The following CREB5 variants were observed in gnomAD, a reference collection of about 807,000 sequenced individuals.
The protein encoded by CREB5 is cyclic AMP-responsive element-binding protein 5.
A neutral mutation model predicts 57.1 loss-of-function variants in CREB5; 19 were observed. The ratio of observed to expected loss-of-function variants is 0.33; its 90% CI spans 0.23 to 0.49. The LOEUF (loss-of-function observed/expected upper bound fraction) is 0.49. Among genes scored for constraint, CREB5 ranks in the 20% least tolerant of loss-of-function variants. The pLI is 0.99. For synonymous variants in CREB5, 238 were observed against 238.3 expected (o/e 1.00, Z 0.01); for missense variants, 579 against 671.6 (o/e 0.86, Z 1.52).
At chr7:28,447,206 C>A (rs1364439136) in intron 1 of CREB5, among the ~76,000 whole-genome samples, 2 of 152,200 alleles carry the variant, frequency 1.3e-5, no homozygotes, top group Non-Finnish European at 2.9e-5. Flanking sequence ...CAGTGCCTGG[C>A]GCACATCTGT....
intron 1 of CREB5, among the ~76,000 whole-genome samples, chr7:28,444,014 A>T (rs1026332647): frequency 4.6e-5 from 7 of 152,198 alleles, no homozygotes; most frequent in Admixed American, 1.3e-4. Flanking sequence ...GATTAAACAT[A>T]AAAAATTTTG....
chr7:28,355,205 A>G (rs906771695), intron 1 of CREB5, among the ~76,000 whole-genome samples: 1 of 152,232 alleles, frequency 6.6e-6, no homozygotes, highest in Non-Finnish European at 1.5e-5. Context: ...GACAGGTTAC[A>G]AGACAGAGCT....
intron 5 of CREB5, among the ~76,000 whole-genome samples, chr7:28,683,855 G>A (rs1158260141): frequency 6.6e-6 from 1 of 152,088 alleles, no homozygotes; most frequent in African/African-American, 2.4e-5. Flanking sequence ...CTCTAATGTG[G>A]TATAAGGAAA....
intron 5 of CREB5, among the ~76,000 whole-genome samples, chr7:28,625,104 C>G (rs979556661): frequency 6.7e-6 from 1 of 148,972 alleles, no homozygotes; most frequent in Non-Finnish European, 1.5e-5. Context: ...AAGGCAGAAA[C>G]TATTATTAAC....
In CREB5 at chr7:28,395,868, G is replaced by A. The variant is rs74403813; in HGVS notation, c.-25+96427G>A. On this transcript the variant is annotated intron_variant, in intron 1 of 9. Coordinates refer to the CREB5 transcript ENST00000396299. The stretch of plus-strand genomic sequence containing the variant: ...TCAGATTGGCAAGGGAAAAGAAGGG[G>A]TGGGCTGGAACCCTGGAATTTGGGC... 2.0e-3 allele frequency among the ~76,000 whole-genome samples: 311 copies of A among 152,082 alleles called. 3 individuals carry two copies. Among genetic ancestry groups the A allele is most frequent in the African/African-American group, 7.1e-3 (293 of 41,462 alleles).
intron 9 of CREB5, among the ~76,000 whole-genome samples, chr7:28,810,403 C>A (rs537535763): frequency 6.6e-6 from 1 of 151,974 alleles, no homozygotes; most frequent in Non-Finnish European, 1.5e-5. Context: ...TCATGGGGTC[C>A]GGGCGCAGTG....
intron 7 of CREB5, among the ~76,000 whole-genome samples, chr7:28,778,006 T>G (rs1278137704): frequency 6.6e-6 from 1 of 152,234 alleles, no homozygotes. Context: ...TACTGTGATT[T>G]ATGGAACCAT....
At chr7:28,485,211 A>G (rs1791501030) in intron 1 of CREB5, among the ~76,000 whole-genome samples, 1 of 152,140 alleles carries the variant, frequency 6.6e-6, no homozygotes, top group African/African-American at 2.4e-5. Context: ...TTAAACTTTC[A>G]GCAGTAGCAC....
At chr7:28,635,783 ATTG>A (rs1386976456) in intron 5 of CREB5, among the ~76,000 whole-genome samples, 3 of 151,968 alleles carry the variant, frequency 2.0e-5, no homozygotes, top group Non-Finnish European at 4.4e-5. Flanking sequence ...ATTCATTCAT[ATTG>A]TTTTCTGGGC....
upstream of CREB5, among the ~76,000 whole-genome samples, chr7:28,407,655 A>G (rs887583080): frequency 2.6e-5 from 4 of 152,284 alleles, no homozygotes; most frequent in African/African-American, 9.6e-5. Flanking sequence ...TACAATAAGT[A>G]GAAAACTCAG....
intron 1 of CREB5, among the ~76,000 whole-genome samples, chr7:28,315,686 C>T (rs779543120): frequency 5.9e-5 from 9 of 152,214 alleles, no homozygotes; most frequent in Admixed American, 2.0e-4. Flanking sequence ...AAACGTCCTG[C>T]TGCACCAGCT....
intron 7 of CREB5, among the ~76,000 whole-genome samples, chr7:28,767,465 T>C (rs1806067235): frequency 6.6e-6 from 1 of 152,210 alleles, no homozygotes; most frequent in Non-Finnish European, 1.5e-5. Context: ...TTAACAAACC[T>C]GAGTTTATTT....
chr7:28,550,015 T>C (rs531032190), intron 4 of CREB5, among the ~76,000 whole-genome samples: 13 of 152,300 alleles, frequency 8.5e-5, no homozygotes, highest in African/African-American at 3.1e-4. Context: ...CCTCATGACA[T>C]CACTAAGCTT....
chr7:28,525,367 G>C lies in CREB5; in HGVS notation c.291+17630G>C, dbSNP rs938351350. On this transcript the variant is annotated intron_variant, in intron 4 of 10. Coordinates refer to ENST00000357727, the MANE Select transcript of CREB5 (RefSeq NM_182898.4). The stretch of plus-strand genomic sequence containing the variant: ...AGTAGTGAGATTGCTGGATCCTATG[G>C]TAATTATATATTTAGTTTTTTTGAG... Among the ~76,000 whole-genome samples, 8 of 152,200 alleles carry C rather than the reference G, an allele frequency of 5.3e-5. No homozygotes were observed. The East Asian group carries it at 1.5e-3, about 29-fold the overall frequency.
At chr7:28,463,312 G>A (rs1790428675) in intron 1 of CREB5, among the ~76,000 whole-genome samples, 6 of 152,118 alleles carry the variant, frequency 3.9e-5, no homozygotes, top group South Asian at 2.1e-4. Context: ...TGCCAGTACC[G>A]CACTGTCTTG....
intron 1 of CREB5, among the ~76,000 whole-genome samples, chr7:28,402,527 A>G (rs111880289): frequency 2.4e-4 from 36 of 152,312 alleles, no homozygotes; most frequent in African/African-American, 7.7e-4. Flanking sequence ...CCACACATCT[A>G]CAACCATCTG....
chr7:28,532,328 CCAT>C (rs1246688597), intron 4 of CREB5, among the ~76,000 whole-genome samples: 4 of 152,212 alleles, frequency 2.6e-5, no homozygotes, highest in Non-Finnish European at 4.4e-5. Context: ...TGAGCCAGGA[CCAT>C]CCAGCTAAGC....
intron 1 of CREB5, among the ~76,000 whole-genome samples, chr7:28,421,916 ATGTG>A (rs67782377): frequency 0.52 from 75,450 of 145,702 alleles, 21,438 homozygotes; most frequent in East Asian, 0.71. Flanking sequence ...GAGAGTGTGT[ATGTG>A]TGTGTATGTG....
intron 7 of CREB5, among the ~76,000 whole-genome samples, chr7:28,773,170 CAAAA>C (rs200564326): frequency 6.8e-6 from 1 of 147,796 alleles, no homozygotes; most frequent in Non-Finnish European, 1.5e-5. Context: ...CAAAAACAAA[CAAAA>C]AAAAAATCAC....
Sources: allele counts gnomAD v4.1 joint callset (sites outside exome capture counted in the v4.1 genomes callset), GRCh38; gene constraint gnomAD v4.1.1; transcripts MANE v1.5; gene names NCBI Gene and HGNC (gene_info 2026-07-23, HGNC 2026-07-21).